The following ANK3 variants were observed in gnomAD, a reference collection of about 807,000 sequenced individuals.
ANK3 encodes the protein ankyrin 3, also known as ankyrin-3.
A neutral mutation model predicts 370.9 loss-of-function variants in ANK3; 57 were observed. The observed-to-expected ratio is 0.15, with a 90% CI of 0.12 to 0.19. The LOEUF (loss-of-function observed/expected upper bound fraction) is 0.19, where lower values mean the gene tolerates loss of function less well. ANK3 is among the 10% of genes least tolerant of loss of function. The pLI, the probability that ANK3 is intolerant of heterozygous loss-of-function variation, is 1.00. For missense variants in ANK3, 4,439 were observed against 5,302.1 expected, an observed-to-expected ratio of 0.84 and a Z score of 5.06; for synonymous variants, 1,929 against 1,946.3, an observed-to-expected ratio of 0.99 and a Z score of 0.23.
At position 60,072,169 on chromosome 10, in the gene ANK3, T is replaced by G. The variant is rs1315878202; in HGVS notation, c.8712A>C (p.Glu2904Asp). ...KNEFMSVTER[E>D]RKLLTNGSLS... ...GAGAGCCGTTTGTTAACAATTTGCGTTCTCTCTCAGTCACAGACATAAATT... is the reference window on the plus strand; with the variant it reads ...GAGAGCCGTTTGTTAACAATTTGCGGTCTCTCTCAGTCACAGACATAAATT... Residue 2904 changes from glutamate to aspartate, a missense_variant, in exon 37 of 44, where the codon GAA becomes GAC. Physicochemically the swap from Glu to Asp is conservative, Grantham distance 45. Coordinates refer to ENST00000280772, the MANE Select transcript of ANK3 (RefSeq NM_020987.5). The G allele has an allele frequency of 6.2e-7, 1 of 1,613,758 alleles. No individual in the cohort carries two copies. The highest frequency in any genetic ancestry group is 8.5e-7 in the Non-Finnish European group (1 of 1,179,986).
intron 2 of ANK3, among the ~76,000 whole-genome samples, chr10:60,496,262 C>T (rs553498453): frequency 5.9e-4 from 90 of 152,276 alleles, no homozygotes; most frequent in Non-Finnish European, 1.2e-3. Context: ...CTTACCAATT[C>T]AAACAAGTAT....
At chr10:60,490,441 A>G (rs1018341384) in intron 2 of ANK3, among the ~76,000 whole-genome samples, 2 of 152,012 alleles carry the variant, frequency 1.3e-5, no homozygotes, top group Admixed American at 1.3e-4. Flanking sequence ...CCTCACTAAA[A>G]ACTGTTGTCC....
chr10:60,101,024 C>T (rs1039770914), intron 28 of ANK3, among the ~76,000 whole-genome samples: 1 of 152,134 alleles, frequency 6.6e-6, no homozygotes, highest in Non-Finnish European at 1.5e-5. Flanking sequence ...CTCAAGCAAT[C>T]CCCCCACCTC....
chr10:60,145,857 C>T, intron 23 of ANK3: 1 of 657,130 alleles, frequency 1.5e-6, no homozygotes, highest in Non-Finnish European at 2.7e-6. Flanking sequence ...TTGCCCAGAA[C>T]AGAACCTGGC....
chr10:60,473,774 C>T (rs184580163), intron 2 of ANK3, among the ~76,000 whole-genome samples: 168 of 152,064 alleles, frequency 1.1e-3, no homozygotes, highest in African/African-American at 3.9e-3. Flanking sequence ...TATGACTTGG[C>T]AAATTACCCT....
intron 1 of ANK3, among the ~76,000 whole-genome samples, chr10:60,339,136 G>C (rs1449907578): frequency 2.0e-5 from 3 of 152,032 alleles, no homozygotes; most frequent in Non-Finnish European, 4.4e-5. Flanking sequence ...AAAAGGTTCA[G>C]ACATTAAGTG....
At chr10:60,452,610 G>C (rs1254611631) in intron 2 of ANK3, among the ~76,000 whole-genome samples, 1 of 152,240 alleles carries the variant, frequency 6.6e-6, no homozygotes, top group African/African-American at 2.4e-5. Flanking sequence ...TTCAGAAAGA[G>C]AATCTTCTCA....
At position 60,106,072 on chromosome 10, in the gene ANK3, T is replaced by A. The variant is rs768139566; in HGVS notation, c.3174-13A>T. On this transcript the variant is annotated splice_polypyrimidine_tract_variant and intron_variant, in intron 27 of 43. Transcript: ENST00000280772. ...CACTATGACAGGGCTGGAAAAAAAATCCACATTATTTTGGTATCAAATTAA... is the reference window on the plus strand; with the variant it reads ...CACTATGACAGGGCTGGAAAAAAAAACCACATTATTTTGGTATCAAATTAA... The A allele has an allele frequency of 6.9e-6, 11 of 1,593,382 alleles. No individual in the cohort carries two copies. The South Asian group carries it at 1.0e-4, about 15-fold the overall frequency.
chr10:60,733,525 G>C, upstream of ANK3: 1 of 404,912 alleles, frequency 2.5e-6, no homozygotes, highest in East Asian at 3.8e-5. Flanking sequence ...GCGCGGGCCG[G>C]TGCGCCGGGG....
chr10:60,233,745 T>A (rs1167309994), intron 8 of ANK3, among the ~76,000 whole-genome samples: 9 of 152,174 alleles, frequency 5.9e-5, no homozygotes, highest in Non-Finnish European at 7.3e-5. Flanking sequence ...CCTTTAAAAA[T>A]TTTTAATTGT....
At chr10:60,174,599 G>A (rs1591264904) in intron 18 of ANK3, among the ~76,000 whole-genome samples, 1 of 152,060 alleles carries the variant, frequency 6.6e-6, no homozygotes, top group African/African-American at 2.4e-5. Context: ...TCAAAACCAC[G>A]TGGACCCAAT....
intron 43 of ANK3, among the ~76,000 whole-genome samples, chr10:60,031,609 T>A (rs1454463761): frequency 6.6e-6 from 1 of 152,210 alleles, no homozygotes; most frequent in Non-Finnish European, 1.5e-5. Flanking sequence ...CACTCCCATA[T>A]AAACAACAGA....
chr10:60,546,190 C>T (rs1196838667), intron 2 of ANK3, among the ~76,000 whole-genome samples: 2 of 152,142 alleles, frequency 1.3e-5, no homozygotes, highest in Non-Finnish European at 2.9e-5. Context: ...CATGCACCAC[C>T]ATGCCTGGCT....
At chr10:60,607,887 G>A (rs1489911420) in intron 2 of ANK3, among the ~76,000 whole-genome samples, 1 of 152,160 alleles carries the variant, frequency 6.6e-6, no homozygotes, top group Non-Finnish European at 1.5e-5. Flanking sequence ...GGCTGAGGGA[G>A]AAACCTACCT....
At chr10:60,337,025 T>TAAA (rs375867763) in intron 1 of ANK3, among the ~76,000 whole-genome samples, 11 of 113,622 alleles carry the variant, frequency 9.7e-5, no homozygotes, top group African/African-American at 2.9e-4. Context: ...GAAAAAGGCT[T>TAAA]TAAAAAAAAA....
chr10:60,551,464 A>G (rs1038757439), intron 2 of ANK3, among the ~76,000 whole-genome samples: 2 of 152,200 alleles, frequency 1.3e-5, no homozygotes, highest in Non-Finnish European at 2.9e-5. Context: ...TTAACCCACA[A>G]AAATTTAAAA....
chr10:60,187,016 G>A, intron 16 of ANK3, 104 bp from the exon 17 acceptor site: 1 of 1,126,548 alleles, frequency 8.9e-7, no homozygotes, highest in Non-Finnish European at 1.3e-6. Flanking sequence ...TTCTATGATT[G>A]CTTAAGAAAT....
intron 2 of ANK3, chr10:60,572,888 G>GAGAGAGAGAGAA: frequency 9.8e-7 from 1 of 1,022,588 alleles, no homozygotes; most frequent in Non-Finnish European, 1.2e-6. Flanking sequence ...TGGAAATGGT[G>GAGAGAGAGAGAA]AGAGAGAGAG....
intron 1 of ANK3, among the ~76,000 whole-genome samples, chr10:60,363,472 G>A (rs556779107): frequency 9.9e-5 from 15 of 152,210 alleles, no homozygotes; most frequent in African/African-American, 3.6e-4. Flanking sequence ...GAGAATAAAG[G>A]GCCCAGATAG....
Sources: gnomAD v4.1 joint callset for allele counts (sites outside exome capture counted in the v4.1 genomes callset) on GRCh38, gnomAD v4.1.1 for gene constraint, MANE v1.5 for transcripts, NCBI Gene and HGNC (gene_info 2026-07-23, HGNC 2026-07-21) for gene names.